ALOX15B: variants seen among roughly 807,000 people sequenced by gnomAD.
ALOX15B encodes the protein polyunsaturated fatty acid lipoxygenase ALOX15B.
A neutral mutation model predicts 73.8 loss-of-function variants in ALOX15B; 74 were observed. The ratio of observed to expected loss-of-function variants is 1.00; its 90% CI spans 0.83 to 1.22. The LOEUF is 1.22. Ranked by LOEUF, ALOX15B falls within the 50% of genes most tolerant of loss-of-function variation. The pLI is 0.00. For missense variants in ALOX15B, 896 were observed against 859.9 expected (o/e 1.04, Z -0.52); for synonymous variants, 353 against 357.2 (o/e 0.99, Z 0.13).
Position 8,048,248 on chromosome 17 carries a change from G to A in ALOX15B, c.1852-138G>A, listed in dbSNP as rs1976665948. On this transcript the variant is annotated intron_variant, in intron 13 of 13. Transcript: ENST00000380183. The stretch of plus-strand genomic sequence containing the variant: ...GGACATGGATCAGGCCCCATCGAGG[G>A]CTACTTCAGGTCCCACACTTGGGGG... 3.9e-6 allele frequency: 4 copies of A among 1,031,734 alleles called. No individual in the cohort carries two copies. The South Asian group carries it at 6.5e-5, about 17-fold the overall frequency. The allele number at this position is 1,031,734 out of a possible 1,614,324, so 63.9% of individuals were successfully genotyped here.
At chr17:8,047,161 G>T (rs1001598704) in intron 10 of ALOX15B, 85 bp downstream of exon 10, 2 of 1,607,144 alleles carry the variant, frequency 1.2e-6, no homozygotes, top group Non-Finnish European at 1.7e-6. Context: ...GGAGGCTCAC[G>T]TTGAGGAGGA....
chr17:8,039,814 A>G (rs996921749), intron 2 of ALOX15B, 88 bp from the exon 3 acceptor site: 5 of 1,369,280 alleles, frequency 3.7e-6, no homozygotes. Context: ...GGGACCTGGT[A>G]GAGGGTGGCA....
intron 3 of ALOX15B, 28 bp from the exon 4 acceptor site, chr17:8,042,341 C>A: frequency 6.2e-7 from 1 of 1,611,552 alleles, no homozygotes; most frequent in Non-Finnish European, 8.5e-7. Flanking sequence ...AGGCCTCTTG[C>A]TGACCACCTT....
At chr17:8,048,175 G>A (rs149243436) in intron 13 of ALOX15B, among the ~76,000 whole-genome samples, 26 of 152,354 alleles carry the variant, frequency 1.7e-4, no homozygotes, top group African/African-American at 5.5e-4. Flanking sequence ...TTCATTCCCC[G>A]AAAGCTTCCT....
Position 8,045,609 on chromosome 17 carries a change from C to A in ALOX15B, c.1123C>A (p.Leu375Met). 2 of 1,614,238 alleles carry A rather than the reference C, an allele frequency of 1.2e-6. No individual in the cohort carries two copies. Among genetic ancestry groups the A allele is most frequent in the Non-Finnish European group, 1.7e-6 (2 of 1,180,038 alleles). ...CTTCCATGAGGCCCTCACGCACCTG[C>A]TGCACTCACATCTGCTGCCTGAGGT... ...FSFHEALTHL[L>M]HSHLLPEVFT... is the part of the protein sequence containing the mutation. The change falls in exon 8 of 14, where the codon CTG (leucine) becomes ATG (methionine). Residue 375 changes from leucine (L) to methionine (M), a missense_variant. By Grantham distance (15) the Leu-to-Met change is conservative (BLOSUM62 2). Transcript: ENST00000380183.
intron 5 of ALOX15B, among the ~76,000 whole-genome samples, chr17:8,043,469 G>A (rs535784027): frequency 2.0e-5 from 3 of 152,356 alleles, no homozygotes; most frequent in African/African-American, 7.2e-5. Context: ...AACAAGAGAA[G>A]GAGAGCGAGA....
intron 3 of ALOX15B, among the ~76,000 whole-genome samples, chr17:8,041,152 G>A (rs983896982): frequency 6.6e-6 from 1 of 152,204 alleles, no homozygotes; most frequent in Non-Finnish European, 1.5e-5. Context: ...AGAGGGAATA[G>A]ACATTGAGAT....
Position 8,039,124 on chromosome 17 carries a change from G to A in ALOX15B, c.-32G>A. Reference sequence around the variant, plus strand: ...GGGGAGCCCCGCTCTGCAGCCCTGTGCGCCGTAGAGAGCTGGACTTAGGCT... The same window carrying A: ...GGGGAGCCCCGCTCTGCAGCCCTGTACGCCGTAGAGAGCTGGACTTAGGCT... On this transcript the variant is annotated 5_prime_UTR_variant, in exon 1 of 14. Transcript: ENST00000380183. 6.2e-7 allele frequency: 1 copy of A among 1,605,222 alleles called. No homozygotes were observed. The highest frequency in any genetic ancestry group is 8.5e-7 in the Non-Finnish European group (1 of 1,176,144).
rs2151814938 is a variant in ALOX15B, at chr17:8,046,995, A to C, written c.1376A>C (p.Asp459Ala). Residue 459 changes from aspartate (D) to alanine (A), a missense_variant, in exon 10 of 14, where the codon GAT (aspartate) becomes GCT (alanine). By Grantham distance (126) the Asp-to-Ala change is moderately radical (BLOSUM62 -2). Coordinates refer to ENST00000380183, the MANE Select transcript of ALOX15B (RefSeq NM_001141.3). Reference sequence around the variant, plus strand: ...TATTCTCTCCTGTGTCTGCCTGAGGATATCCGGACCCGAGGAGTTGAAGAC... The same window carrying C: ...TATTCTCTCCTGTGTCTGCCTGAGGCTATCCGGACCCGAGGAGTTGAAGAC... Reference protein sequence around the residue: ...LNYSLLCLPEDIRTRGVEDIP... With the variant: ...LNYSLLCLPEAIRTRGVEDIP... 6.2e-7 allele frequency: 1 copy of C among 1,614,094 alleles called. No individual in the cohort carries two copies. Among genetic ancestry groups the C allele is most frequent in the East Asian group, 2.2e-5 (1 of 44,860 alleles).
In ALOX15B at chr17:8,048,477, C is replaced by G. The variant is rs749876352; in HGVS notation, c.1943C>G (p.Ser648Trp). 1.2e-6 allele frequency: 2 copies of G among 1,614,122 alleles called. No individual in the cohort carries two copies. Among genetic ancestry groups the G allele is most frequent in the South Asian group, 2.2e-5 (2 of 91,086 alleles). Residue 648 changes from serine (S) to tryptophan (W), a missense_variant, in exon 14 of 14, where the codon TCG becomes TGG. Coordinates refer to ENST00000380183, the MANE Select transcript of ALOX15B (RefSeq NM_001141.3). ...TTCCAGAGCCGCCTGGCCCAGATCT[C>G]GAGGGGCATCCAGGAGCGGAACCAG... The part of the protein sequence containing the change: ...ATFQSRLAQI[S>W]RGIQERNQGL...
intron 2 of ALOX15B, 28 bp downstream of exon 2, chr17:8,039,633 A>G: frequency 1.5e-6 from 1 of 651,328 alleles, no homozygotes; most frequent in Non-Finnish European, 2.6e-6. Context: ...CTGGGGCTGC[A>G]GGGGGAGCAC....
chr17:8,047,831 C>T lies in ALOX15B; in HGVS notation c.1767C>T (p.Gly589=), dbSNP rs9904554. 0.03 allele frequency: 48,191 copies of T among 1,614,032 alleles called. 3,330 individuals are homozygous for T. Among genetic ancestry groups the T allele is most frequent in the African/African-American group, 0.26 (19,637 of 74,918 alleles). The part of the protein sequence containing the change: ...PTSKGLATCE[G]FIATLPPVNA... ...CCAAAGGCCTGGCAACATGCGAGGG[C>T]TTCATAGCCACCCTCCCACCTGTCA... Residue 589 remains glycine, a synonymous_variant, in exon 13 of 14, where the codon GGC becomes GGT. Coordinates refer to ENST00000380183, the MANE Select transcript of ALOX15B (RefSeq NM_001141.3).
rs1370215342 is a variant in ALOX15B at position 8,048,823 on chromosome 17, A to T, written c.*258A>T. The T allele has an allele frequency of 1.0e-5, 4 of 390,580 alleles. No homozygotes were observed. Among genetic ancestry groups the T allele is most frequent in the Non-Finnish European group, 1.8e-5 (4 of 221,082 alleles). 24.2% of individuals were successfully genotyped at this position (390,580 alleles called of 1,614,324 possible). A position where few individuals can be genotyped will look rare whatever the true frequency, so the allele number is the denominator to read the frequency against. On this transcript the variant is annotated 3_prime_UTR_variant, in exon 14 of 14. Coordinates refer to ENST00000380183, the MANE Select transcript of ALOX15B (RefSeq NM_001141.3). ...GAGTCTTTTGGAGGCTCCAAGCCTC[A>T]AAGTGCCCGCAGAGCCCACCTTGAG...
Position 8,039,616 on chromosome 17 carries a change from G to A in ALOX15B, c.367+11G>A. 1 of 1,194,568 alleles carries A rather than the reference G, an allele frequency of 8.4e-7. No individual in the cohort carries two copies. The highest frequency in any genetic ancestry group is 1.2e-6 in the Non-Finnish European group (1 of 842,610). The allele number at this position is 1,194,568 out of a possible 1,614,324, so 74.0% of individuals were successfully genotyped here. ...TGCAGGAGGGTACAGGTGAGGGGCG[G>A]GCCGGGCTGGGGCTGCAGGGGGAGC... On this transcript the variant is annotated intron_variant, in intron 2 of 13. Coordinates refer to ENST00000380183, the MANE Select transcript of ALOX15B (RefSeq NM_001141.3).
Position 8,045,661 on chromosome 17 carries a change from T to C in ALOX15B, c.1175T>C (p.Leu392Pro), listed in dbSNP as rs1976589195. Residue 392 changes from leucine to proline, a missense_variant, in exon 8 of 14, where the codon CTG becomes CCG. Coordinates refer to ENST00000380183, the MANE Select transcript of ALOX15B (RefSeq NM_001141.3). ...TTCACCCTGGCTACCCTGCGTCAGC[T>C]GCCCCACTGCCACCCTCTCTTCAAG... The part of the protein sequence containing the change: ...EVFTLATLRQ[L>P]PHCHPLFKLL... 6.2e-7 allele frequency: 1 copy of C among 1,614,042 alleles called. No homozygotes were observed.
rs1976356837 is a variant in ALOX15B, at chr17:8,039,234, G to A, written c.79G>A (p.Val27Met). The A allele has an allele frequency of 6.2e-7, 1 of 1,608,104 alleles. No homozygotes were observed. The highest frequency in any genetic ancestry group is 1.1e-5 in the South Asian group (1 of 90,092). ...GTWDKVSVSI[V>M]GTRGESPPLP... ...ATGGGACAAAGTGTCTGTCAGCATC[G>A]TGGGGACCCGGGGAGAGAGCCCCCC... is the stretch of plus-strand genomic sequence containing the variant. The change falls in exon 1 of 14, where the codon GTG becomes ATG. Residue 27 changes from valine to methionine, a missense_variant. Transcript: ENST00000380183.
chr17:8,041,939 GAA>G (rs763976477), intron 3 of ALOX15B, among the ~76,000 whole-genome samples: 14 of 152,290 alleles, frequency 9.2e-5, no homozygotes, highest in Non-Finnish European at 1.6e-4. Flanking sequence ...CTAGCAGGCA[GAA>G]AAAAAGTTTG....
chr17:8,042,653 AC>A, intron 4 of ALOX15B, 127 bp from the exon 5 acceptor site: 5 of 1,324,016 alleles, frequency 3.8e-6, no homozygotes, highest in Non-Finnish European at 5.2e-6. Context: ...AGCAACAGCT[AC>A]CTTAGGGGTA....
At chr17:8,046,525 C>T in intron 8 of ALOX15B, 143 bp from the exon 9 acceptor site, 1 of 802,506 alleles carries the variant, frequency 1.2e-6, no homozygotes, top group Non-Finnish European at 2.0e-6. Flanking sequence ...AACTCCAGGG[C>T]TCAGACCCCT....
Sources: allele counts gnomAD v4.1 joint callset (sites outside exome capture counted in the v4.1 genomes callset), GRCh38; gene constraint gnomAD v4.1.1; transcripts MANE v1.5; gene names NCBI Gene and HGNC (gene_info 2026-07-23, HGNC 2026-07-21).